SSBP2: variants seen among roughly 807,000 people sequenced by gnomAD.
SSBP2 encodes single-stranded DNA-binding protein 2.
In SSBP2, 17 loss-of-function variants were observed where a neutral mutation model predicts 61.8. The observed-to-expected ratio is 0.28, with a 90% confidence interval of 0.19 to 0.41. The LOEUF is 0.41. Ranked by LOEUF, SSBP2 falls within the 10% of genes least tolerant of loss-of-function variation. The pLI, the probability that SSBP2 is intolerant of heterozygous loss-of-function variation, is 1.00. For missense variants in SSBP2, 310 were observed against 458.7 expected, an observed-to-expected ratio of 0.68 and a Z score of 2.96; for synonymous variants, 139 against 141.3, an observed-to-expected ratio of 0.98 and a Z score of 0.12.
At chr5:81,484,001 C>T (rs928404786) in intron 6 of SSBP2, among the ~76,000 whole-genome samples, 3 of 152,102 alleles carry the variant, frequency 2.0e-5, no homozygotes, top group African/African-American at 7.2e-5. Context: ...CCAGAAAGTT[C>T]TATTGGGCAG....
At chr5:81,745,055 A>G (rs1180177813) in intron 1 of SSBP2, among the ~76,000 whole-genome samples, 4 of 152,188 alleles carry the variant, frequency 2.6e-5, no homozygotes, top group African/African-American at 9.6e-5. Flanking sequence ...CTATTAACTT[A>G]CATGACAAAA....
intron 4 of SSBP2, among the ~76,000 whole-genome samples, chr5:81,570,533 G>C (rs1270854565): frequency 6.6e-6 from 1 of 152,138 alleles, no homozygotes; most frequent in Non-Finnish European, 1.5e-5. Flanking sequence ...TAAGTACAGT[G>C]ACGACCAATC....
chr5:81,533,822 G>A (rs1770597362), intron 4 of SSBP2, among the ~76,000 whole-genome samples: 1 of 152,074 alleles, frequency 6.6e-6, no homozygotes, highest in Non-Finnish European at 1.5e-5. Context: ...AGACAAATCT[G>A]AGAGTCAATA....
At chr5:81,562,400 A>G (rs1267990420) in intron 4 of SSBP2, among the ~76,000 whole-genome samples, 1 of 152,198 alleles carries the variant, frequency 6.6e-6, no homozygotes. Flanking sequence ...AACATATATC[A>G]TAACTATGCA....
At chr5:81,539,179 C>A (rs1243537525) in intron 4 of SSBP2, among the ~76,000 whole-genome samples, 1 of 152,146 alleles carries the variant, frequency 6.6e-6, no homozygotes, top group African/African-American at 2.4e-5. Context: ...GTAGTTGATT[C>A]CAACCCTTGT....
intron 5 of SSBP2, among the ~76,000 whole-genome samples, chr5:81,493,251 CAGATAGATAGATAGATAGAT>C (rs66763000): frequency 2.5e-4 from 36 of 145,614 alleles, no homozygotes; most frequent in South Asian, 8.9e-4. Flanking sequence ...ATGAACAAAA[CAGATAGATAGATAGATAGAT>C]AGATAGATAG....
chr5:81,491,453 T>C (rs7719373), intron 5 of SSBP2, among the ~76,000 whole-genome samples: 69,949 of 152,044 alleles, frequency 0.46, 20,802 homozygotes, highest in African/African-American at 0.85. Context: ...TATTTAGTGG[T>C]ATATGTAAAA....
intron 1 of SSBP2, among the ~76,000 whole-genome samples, chr5:81,662,302 C>T (rs1750757683): frequency 6.6e-6 from 1 of 151,896 alleles, no homozygotes; most frequent in African/African-American, 2.4e-5. Flanking sequence ...CCTGTCTCTA[C>T]TAAAAAGACA....
intron 2 of SSBP2, 141 bp from the exon 3 acceptor site, chr5:81,636,759 G>A (rs1052984752): frequency 2.9e-6 from 2 of 700,774 alleles, no homozygotes; most frequent in African/African-American, 1.8e-5. Context: ...CCCAAGTTTT[G>A]CAAGTACTCA....
intron 1 of SSBP2, among the ~76,000 whole-genome samples, chr5:81,678,268 G>A (rs370285335): frequency 3.2e-4 from 48 of 152,210 alleles, no homozygotes; most frequent in African/African-American, 7.9e-4. Context: ...AAAAAAATGC[G>A]GAATGTCTTT....
intron 2 of SSBP2, among the ~76,000 whole-genome samples, chr5:81,643,189 C>T (rs1040103084): frequency 2.6e-5 from 4 of 152,078 alleles, no homozygotes; most frequent in East Asian, 1.9e-4. Context: ...TTCTGGATGC[C>T]GGCAGTACCT....
intron 1 of SSBP2, among the ~76,000 whole-genome samples, chr5:81,704,486 C>T (rs948691200): frequency 3.3e-5 from 5 of 152,050 alleles, no homozygotes; most frequent in Admixed American, 6.6e-5. Flanking sequence ...CAATATTATA[C>T]AATTGTTTAG....
At chr5:81,449,231 G>T (rs1763606192) in intron 10 of SSBP2, among the ~76,000 whole-genome samples, 1 of 152,092 alleles carries the variant, frequency 6.6e-6, no homozygotes, top group African/African-American at 2.4e-5. Context: ...GTTAATACGA[G>T]TCTCCAAAGA....
intron 1 of SSBP2, among the ~76,000 whole-genome samples, chr5:81,727,634 T>G (rs1489272224): frequency 6.6e-6 from 1 of 152,350 alleles, no homozygotes; most frequent in East Asian, 1.9e-4. Context: ...TATGGAAATA[T>G]TCATCAAATG....
chr5:81,452,025 C>T (rs1231239724), intron 10 of SSBP2, among the ~76,000 whole-genome samples: 1 of 152,016 alleles, frequency 6.6e-6, no homozygotes. Context: ...TTGAGCTGGA[C>T]AGTTGGGACT....
chr5:81,589,988 T>C (rs1775372832), intron 4 of SSBP2, among the ~76,000 whole-genome samples: 1 of 152,102 alleles, frequency 6.6e-6, no homozygotes, highest in South Asian at 2.1e-4. Flanking sequence ...CCAACACTGT[T>C]GCATTGAAGA....
At chr5:81,714,659 G>A (rs1472225242) in intron 1 of SSBP2, among the ~76,000 whole-genome samples, 1 of 152,204 alleles carries the variant, frequency 6.6e-6, no homozygotes, top group Non-Finnish European at 1.5e-5. Context: ...CAGTGATGAT[G>A]AGCTTTTTTT....
intron 4 of SSBP2, among the ~76,000 whole-genome samples, chr5:81,545,690 C>T (rs1771678639): frequency 6.6e-6 from 1 of 152,130 alleles, no homozygotes; most frequent in South Asian, 2.1e-4. Context: ...AGGGGCGTAG[C>T]AGGTCAGCTT....
chr5:81,524,293 A>G (rs902091161), intron 4 of SSBP2, among the ~76,000 whole-genome samples: 1 of 152,036 alleles, frequency 6.6e-6, no homozygotes, highest in South Asian at 2.1e-4. Context: ...CAGAACTTAA[A>G]TAAGCTTGAA....
Sources: gnomAD v4.1 joint callset for allele counts (sites outside exome capture counted in the v4.1 genomes callset) on GRCh38, gnomAD v4.1.1 for gene constraint, MANE v1.5 for transcripts, NCBI Gene and HGNC (gene_info 2026-07-23, HGNC 2026-07-21) for gene names.